Variants in RUNX1 observed in about 807,000 individuals in gnomAD.
RUNX1 encodes the protein runt-related transcription factor 1.
Under a neutral mutation model 42.8 loss-of-function variants are expected in RUNX1, and 19 were observed. That is an observed-to-expected ratio of 0.44 (90% CI 0.31 to 0.65). The LOEUF (loss-of-function observed/expected upper bound fraction) is 0.65. Among genes scored for constraint, RUNX1 ranks in the 30% least tolerant of loss-of-function variants. RUNX1 has a pLI of 0.07. For synonymous variants in RUNX1, 271 were observed against 289.4 expected, an observed-to-expected ratio of 0.94 and a Z score of 0.64; for missense variants, 528 against 672.0, an observed-to-expected ratio of 0.79 and a Z score of 2.37.
chr21:35,032,941 TC>T (rs1282993060), intron 2 of RUNX1, among the ~76,000 whole-genome samples: 4 of 152,142 alleles, frequency 2.6e-5, no homozygotes, highest in African/African-American at 9.7e-5. Context: ...CTGGTGAAGC[TC>T]CCTCCATCCA....
At chr21:34,882,164 T>TA (rs1223135167) in intron 4 of RUNX1, among the ~76,000 whole-genome samples, 2 of 152,334 alleles carry the variant, frequency 1.3e-5, no homozygotes, top group East Asian at 3.9e-4. Flanking sequence ...TTTCTATATG[T>TA]AAAAAAGGCT....
At chr21:34,962,930 T>G (rs899053076) in intron 2 of RUNX1, among the ~76,000 whole-genome samples, 4 of 152,168 alleles carry the variant, frequency 2.6e-5, no homozygotes, top group African/African-American at 9.7e-5. Flanking sequence ...CCTGCCCTAT[T>G]ATCATCTAAG....
intron 2 of RUNX1, among the ~76,000 whole-genome samples, chr21:35,013,234 T>C (rs994740693): frequency 3.3e-5 from 5 of 152,226 alleles, no homozygotes; most frequent in African/African-American, 1.2e-4. Context: ...TCTATAGATT[T>C]AGTTGAATTT....
At chr21:35,017,002 T>G (rs2059163939) in intron 2 of RUNX1, among the ~76,000 whole-genome samples, 6 of 134,814 alleles carry the variant, frequency 4.5e-5, no homozygotes, top group Admixed American at 3.9e-4. Flanking sequence ...GGGAAGGGGG[T>G]GAGGGTTTAA....
intron 2 of RUNX1, among the ~76,000 whole-genome samples, chr21:34,957,282 C>T (rs2058651538): frequency 6.6e-6 from 1 of 152,158 alleles, no homozygotes; most frequent in Non-Finnish European, 1.5e-5. Flanking sequence ...CTCACTACTC[C>T]CTGGAACACT....
chr21:35,048,936 G>A lies in RUNX1; in HGVS notation c.-37C>T, dbSNP rs1201478000. ...GAAAATGCACCCTCTTCTGAAGGCGGGGGACTCAATGATTTCTTTTACCTT... is the reference window on the plus strand; with the variant it reads ...GAAAATGCACCCTCTTCTGAAGGCGAGGGACTCAATGATTTCTTTTACCTT... On this transcript the variant is annotated 5_prime_UTR_variant, in exon 2 of 9. Coordinates refer to ENST00000675419, the MANE Select transcript of RUNX1 (RefSeq NM_001754.5). The A allele has an allele frequency of 6.3e-7, 1 of 1,595,436 alleles. No individual in the cohort carries two copies. Among genetic ancestry groups the A allele is most frequent in the South Asian group, 1.1e-5 (1 of 90,754 alleles).
At chr21:34,890,253 A>T (rs2843965) in intron 3 of RUNX1, among the ~76,000 whole-genome samples, 152,113 of 152,114 alleles carry the variant, frequency 1, 76,056 homozygotes, top group Non-Finnish European at 1. Flanking sequence ...CAGTCCCCGG[A>T]GCTCCCGGAA....
At chr21:35,026,416 T>G (rs758410647) in intron 2 of RUNX1, among the ~76,000 whole-genome samples, 28 of 152,324 alleles carry the variant, frequency 1.8e-4, no homozygotes, top group Non-Finnish European at 3.2e-4. Flanking sequence ...CCAGGTCAAC[T>G]CTCTCCAAGA....
rs55862184 is a variant in RUNX1, at chr21:35,047,561, A to ACTCTCT, written c.58+1275_58+1280dup. On this transcript the variant is annotated intron_variant, in intron 2 of 8. Transcript: ENST00000675419. Reference sequence around the variant, plus strand: ...CACACACACACACACACACACACACACTCTCTCTCTCTCTCTCTCTCTCTC... The same window carrying ACTCTCT: ...CACACACACACACACACACACACACACTCTCTCTCTCTCTCTCTCTCTCTCTCTCTC... 6.8e-4 allele frequency among the ~76,000 whole-genome samples: 32 copies of ACTCTCT among 46,808 alleles called. 1 individual carries two copies. The highest frequency in any genetic ancestry group is 2.1e-3 in the African/African-American group (25 of 11,704). The allele number at this position is 46,808 out of a possible 152,430, so 30.7% of individuals were successfully genotyped here.
chr21:34,798,002 G>T (rs2056554440), intron 8 of RUNX1: 1 of 456,480 alleles, frequency 2.2e-6, no homozygotes, highest in African/African-American at 2.0e-5. Context: ...AATGTCAATA[G>T]TACTGCCGTT....
intron 6 of RUNX1, 132 bp downstream of exon 6, chr21:34,859,342 G>A: frequency 1.3e-6 from 1 of 756,464 alleles, no homozygotes; most frequent in Non-Finnish European, 2.4e-6. Context: ...CAACTTTTTG[G>A]CTTTACGGGG....
intron 2 of RUNX1, among the ~76,000 whole-genome samples, chr21:34,939,900 C>T (rs1046234951): frequency 2.0e-5 from 3 of 152,106 alleles, no homozygotes; most frequent in South Asian, 4.2e-4. Flanking sequence ...GTTAGCCCAA[C>T]GATTGCGCAA....
At chr21:34,923,426 T>C (rs1407148780) in intron 2 of RUNX1, among the ~76,000 whole-genome samples, 1 of 152,206 alleles carries the variant, frequency 6.6e-6, no homozygotes, top group Non-Finnish European at 1.5e-5. Flanking sequence ...ATGACAGTTA[T>C]GCACGTTTTT....
intron 2 of RUNX1, among the ~76,000 whole-genome samples, chr21:34,928,852 T>TC (rs977521778): frequency 6.6e-6 from 1 of 151,696 alleles, no homozygotes; most frequent in Non-Finnish European, 1.5e-5. Flanking sequence ...TACTTCCACC[T>TC]CATTGCCAAG....
intron 5 of RUNX1, among the ~76,000 whole-genome samples, chr21:34,863,304 C>A (rs965589058): frequency 6.6e-6 from 1 of 152,304 alleles, no homozygotes; most frequent in Non-Finnish European, 1.5e-5. Flanking sequence ...TTTATCCACA[C>A]CTACCACTGC....
At chr21:35,047,641 G>A (rs977180066) in intron 2 of RUNX1, among the ~76,000 whole-genome samples, 8 of 147,682 alleles carry the variant, frequency 5.4e-5, no homozygotes, top group African/African-American at 1.5e-4. Context: ...ATACAGCCCC[G>A]TGCATTCACA....
intron 7 of RUNX1, among the ~76,000 whole-genome samples, chr21:34,828,093 C>T (rs573325836): frequency 3.3e-5 from 5 of 152,330 alleles, no homozygotes; most frequent in Admixed American, 6.5e-5. Flanking sequence ...AAGACTTCAA[C>T]GTGAGAGAGG....
At chr21:35,002,484 T>A (rs2105748) in intron 2 of RUNX1, among the ~76,000 whole-genome samples, 1 of 151,646 alleles carries the variant, frequency 6.6e-6, no homozygotes, top group Non-Finnish European at 1.5e-5. Flanking sequence ...CTGGAGTGCA[T>A]TGGCGTGATC....
intron 2 of RUNX1, among the ~76,000 whole-genome samples, chr21:34,923,687 G>GAACACATTTCCCTGCTTGAAAGCCTTCTA (rs1555905178): frequency 2.0e-5 from 3 of 147,440 alleles, no homozygotes; most frequent in African/African-American, 5.2e-5. Flanking sequence ...CAGCAATTCT[G>GAACACATTTCCCTGCTTGAAAGCCTTCTA]TCAACCATCA....
Sources: allele counts gnomAD v4.1 joint callset (sites outside exome capture counted in the v4.1 genomes callset), GRCh38; gene constraint gnomAD v4.1.1; transcripts MANE v1.5; gene names NCBI Gene and HGNC (gene_info 2026-07-23, HGNC 2026-07-21).